The following SLC28A1 variants were observed in gnomAD, a reference collection of about 807,000 sequenced individuals.
The protein encoded by SLC28A1 is sodium/nucleoside cotransporter 1.
SLC28A1 carries 64 observed loss-of-function variants against 74.8 expected under a neutral mutation model. The observed-to-expected ratio is 0.86, with a 90% CI of 0.70 to 1.05. The LOEUF (loss-of-function observed/expected upper bound fraction) is 1.05, where lower values mean the gene tolerates loss of function less well. Among genes scored for constraint, SLC28A1 ranks in the 50% least tolerant of loss-of-function variants. The pLI is 0.00. For missense variants in SLC28A1, 828 were observed against 822.8 expected (o/e 1.01, Z -0.08); for synonymous variants, 359 against 335.0 (o/e 1.07, Z -0.78).
intron 15 of SLC28A1, among the ~76,000 whole-genome samples, chr15:84,942,123 T>A (rs1329877230): frequency 6.6e-6 from 1 of 152,190 alleles, no homozygotes; most frequent in Non-Finnish European, 1.5e-5. Context: ...GGAGGCTCTA[T>A]ACCAATTTTT....
At chr15:84,946,319 T>C (rs1029567317), downstream of SLC28A1, among the ~76,000 whole-genome samples, 8 of 151,294 alleles carry the variant, frequency 5.3e-5, no homozygotes, top group Non-Finnish European at 1.5e-5. Flanking sequence ...TTGGGAAATA[T>C]TGGCTAATGT....
intron 3 of SLC28A1, 93 bp from the exon 4 acceptor site, chr15:84,888,679 G>A (rs1189237465): frequency 4.8e-6 from 4 of 828,848 alleles, no homozygotes; most frequent in Non-Finnish European, 6.1e-6. Context: ...CCCCTCCTCA[G>A]CCAGGGTCTC....
chr15:84,918,634 C>A (rs368758687), intron 10 of SLC28A1, 30 bp downstream of exon 10: 1 of 1,525,358 alleles, frequency 6.6e-7, no homozygotes, highest in Non-Finnish European at 9.1e-7. Flanking sequence ...GGCCAGGGCT[C>A]TCCCAGAGTC....
chr15:84,895,080 C>CTTG lies in SLC28A1; in HGVS notation c.419_420insTGT (p.Leu140_Lys141insVal), dbSNP rs17215836. 0.28 allele frequency: 458,729 copies of CTTG among 1,613,752 alleles called. 66,416 individuals carry two copies. Among genetic ancestry groups the CTTG allele is most frequent in the Middle Eastern group, 0.36 (2,177 of 6,048 alleles). ...TCTGGGGCCAAAGCTGAGGAGGTTTCTCAAGCCTCAGGGCCATCCCCGCCT... is the reference window on the plus strand; with the variant it reads ...TCTGGGGCCAAAGCTGAGGAGGTTTCTTGTCAAGCCTCAGGGCCATCCCCGCCT... On this transcript the variant is annotated inframe_insertion, in exon 6 of 19. Transcript: ENST00000394573.
downstream of SLC28A1, among the ~76,000 whole-genome samples, chr15:84,948,642 C>T (rs1193559570): frequency 6.6e-6 from 1 of 152,164 alleles, no homozygotes. Context: ...TCTGCTTTTC[C>T]TTGGATTCCA....
intron 16 of SLC28A1, 121 bp downstream of exon 16, chr15:84,943,647 G>A: frequency 1.3e-6 from 1 of 786,376 alleles, no homozygotes; most frequent in African/African-American, 1.7e-5. Context: ...TGGCCATAGA[G>A]GCCAGGTGTG....
the SLC28A1 span, among the ~76,000 whole-genome samples, chr15:84,967,188 T>C: frequency 6.6e-6 from 1 of 152,006 alleles, no homozygotes; most frequent in Non-Finnish European, 1.5e-5. Flanking sequence ...GATGCTGGGG[T>C]GTTGGAGATC....
intron 9 of SLC28A1, among the ~76,000 whole-genome samples, chr15:84,916,338 A>G (rs1228884806): frequency 6.6e-6 from 1 of 150,536 alleles, no homozygotes; most frequent in Non-Finnish European, 1.5e-5. Flanking sequence ...AACTCCTGGA[A>G]TCCAGTAATC....
At chr15:84,888,912 G>A (rs1264124700) in intron 4 of SLC28A1, 52 bp downstream of exon 4, 3 of 1,301,584 alleles carry the variant, frequency 2.3e-6, no homozygotes, top group Admixed American at 2.0e-5. Context: ...GGCTGCTTGG[G>A]AACAGGATGG....
the SLC28A1 span, among the ~76,000 whole-genome samples, chr15:84,967,114 T>A: frequency 6.6e-6 from 1 of 152,132 alleles, no homozygotes; most frequent in Non-Finnish European, 1.5e-5. Context: ...TTATTTTGGA[T>A]TATCTACGAC....
intron 9 of SLC28A1, among the ~76,000 whole-genome samples, chr15:84,909,746 C>T (rs1396838628): frequency 1.3e-5 from 2 of 152,190 alleles, no homozygotes; most frequent in African/African-American, 4.8e-5. Context: ...AGTAGTTGGC[C>T]CCAGTTTTCT....
At chr15:84,950,844 A>C in the SLC28A1 span, among the ~76,000 whole-genome samples, 217 of 152,238 alleles carry the variant, frequency 1.4e-3, 1 homozygote, top group African/African-American at 4.9e-3. Flanking sequence ...ACTTTTTCTT[A>C]AGGGTCAGAT....
chr15:84,941,122 C>T (rs1972626190), intron 15 of SLC28A1: 1 of 152,424 alleles, frequency 6.6e-6, no homozygotes. Flanking sequence ...CTTAGGGTCT[C>T]TTCTGCCCAT....
intron 12 of SLC28A1, among the ~76,000 whole-genome samples, chr15:84,927,645 T>C (rs900575904): frequency 6.6e-5 from 10 of 152,200 alleles, no homozygotes; most frequent in African/African-American, 9.7e-5. Flanking sequence ...GCAATGTTTT[T>C]AGGCTTTATG....
At chr15:84,933,057 A>G in intron 12 of SLC28A1, 88 bp from the exon 13 acceptor site, 2 of 1,330,990 alleles carry the variant, frequency 1.5e-6, no homozygotes, top group African/African-American at 1.4e-5. Flanking sequence ...CAGACTACAC[A>G]TGTGCCCTTG....
chr15:84,962,551 C>T, the SLC28A1 span, among the ~76,000 whole-genome samples: 2 of 152,138 alleles, frequency 1.3e-5, no homozygotes, highest in Non-Finnish European at 2.9e-5. Flanking sequence ...GATCCTTCCA[C>T]CTCAGCCTCT....
Position 84,945,190 on chromosome 15 carries a change from G to C in SLC28A1, c.1940G>C (p.Cys647Ser). The part of the protein sequence containing the change: ...NCCRFYNHTI[C>S]AQ ...TGTCGGTTTTACAACCACACGATCT[G>C]TGCACAGTGAGGACAGAACATGCTT... The change falls in exon 19 of 19, where the codon TGT becomes TCT. Residue 647 changes from cysteine (C) to serine (S), a missense_variant. Coordinates refer to ENST00000394573, the MANE Select transcript of SLC28A1 (RefSeq NM_004213.5). 1.2e-6 allele frequency: 2 copies of C among 1,614,020 alleles called. No homozygotes were observed. Among genetic ancestry groups the C allele is most frequent in the South Asian group, 1.1e-5 (1 of 91,084 alleles).
At position 84,905,460 on chromosome 15, in the gene SLC28A1, C is replaced by CCCCA. The variant is rs1466693297; in HGVS notation, c.604-76_604-75insACCC. The CCCCA allele has an allele frequency of 1.1e-5, 11 of 975,780 alleles. No individual in the cohort carries two copies. In the East Asian group the frequency reaches 2.1e-4, roughly 19 times the overall value. The allele number at this position is 975,780 out of a possible 1,614,324, so 60.4% of individuals were successfully genotyped here. A position where few individuals can be genotyped will look rare whatever the true frequency, so the allele number is the denominator to read the frequency against. On this transcript the variant is annotated intron_variant, in intron 7 of 18. Coordinates refer to ENST00000394573, the MANE Select transcript of SLC28A1 (RefSeq NM_004213.5). ...CCCCATCCTCTGGGCAGGGCAATGC[C>CCCCA]CCCTGCTCTCACCCCCACCCGGCTC...
In SLC28A1 at chr15:84,915,095, C is replaced by T. The variant is rs539817846; in HGVS notation, c.796-3429C>T. 2.3e-4 allele frequency among the ~76,000 whole-genome samples: 35 copies of T among 152,288 alleles called. No homozygotes were observed. The South Asian group carries it at 6.8e-3, about 30-fold the overall frequency. On this transcript the variant is annotated intron_variant, in intron 9 of 18. Transcript: ENST00000394573. ...GGATCCACTGGACAAGCAGTCTAGACAGTACGTGACTCTCTCTGCATCTCA... is the reference window on the plus strand; with the variant it reads ...GGATCCACTGGACAAGCAGTCTAGATAGTACGTGACTCTCTCTGCATCTCA...
Sources: allele counts gnomAD v4.1 joint callset (sites outside exome capture counted in the v4.1 genomes callset), GRCh38; gene constraint gnomAD v4.1.1; transcripts MANE v1.5; gene names NCBI Gene and HGNC (gene_info 2026-07-23, HGNC 2026-07-21).